FYN: variants seen among roughly 807,000 people sequenced by gnomAD.
FYN encodes the protein tyrosine-protein kinase Fyn.
FYN carries 10 observed loss-of-function variants against 70.2 expected under a neutral mutation model. The ratio of observed to expected loss-of-function variants is 0.14; its 90% confidence interval spans 0.09 to 0.24. FYN has a LOEUF of 0.24. Among genes scored for constraint, FYN ranks in the 10% least tolerant of loss-of-function variants. The pLI is 1.00. For synonymous variants in FYN, 236 were observed against 248.6 expected (o/e 0.95, Z 0.48); for missense variants, 319 against 673.1 (o/e 0.47, Z 5.82).
rs3752545 is a variant in FYN at position 111,703,059 on chromosome 6, A to C, written c.548-25T>G. On this transcript the variant is annotated intron_variant, in intron 7 of 13. Coordinates refer to ENST00000354650, the MANE Select transcript of FYN (RefSeq NM_002037.5). ...CCTGGTAAACGTGGAAAGCATTAGC[A>C]GCTCCAATCATTTAGAGTATCAGCT... is the stretch of plus-strand genomic sequence containing the variant. 0.057 allele frequency: 91,074 copies of C among 1,608,160 alleles called. 6,419 individuals carry two copies. The highest frequency in any genetic ancestry group is 0.31 in the African/African-American group (22,955 of 74,650).
At chr6:111,864,458 T>C (rs1774048778) in intron 1 of FYN, among the ~76,000 whole-genome samples, 1 of 152,004 alleles carries the variant, frequency 6.6e-6, no homozygotes, top group Non-Finnish European at 1.5e-5. Flanking sequence ...TAAAATAGAG[T>C]CCCTGACTTC....
chr6:111,787,301 A>G (rs971609083), intron 2 of FYN, among the ~76,000 whole-genome samples: 9 of 152,194 alleles, frequency 5.9e-5, no homozygotes, highest in African/African-American at 2.2e-4. Flanking sequence ...CAGTTTTCCC[A>G]GCACCATTTA....
At chr6:111,871,136 T>C (rs1032222895) in intron 1 of FYN, among the ~76,000 whole-genome samples, 2 of 152,208 alleles carry the variant, frequency 1.3e-5, no homozygotes, top group African/African-American at 4.8e-5. Context: ...GTTTTGACAA[T>C]ATCGATTAAG....
intron 1 of FYN, among the ~76,000 whole-genome samples, chr6:111,851,728 T>C (rs1049360024): frequency 5.3e-5 from 8 of 152,096 alleles, no homozygotes; most frequent in African/African-American, 1.9e-4. Context: ...GGGTCACATA[T>C]TTAAAAACCC....
chr6:111,848,078 A>C (rs1437449937), intron 1 of FYN, among the ~76,000 whole-genome samples: 1 of 152,204 alleles, frequency 6.6e-6, no homozygotes, highest in Non-Finnish European at 1.5e-5. Context: ...AGAAATTTTA[A>C]CTTGCTTCCC....
intron 3 of FYN, among the ~76,000 whole-genome samples, chr6:111,756,473 T>C (rs938075211): frequency 2.0e-5 from 3 of 148,178 alleles, no homozygotes; most frequent in African/African-American, 7.4e-5. Flanking sequence ...AGATAGAAAA[T>C]GGAAAAGCAC....
intron 13 of FYN, among the ~76,000 whole-genome samples, chr6:111,670,162 AAG>A (rs925508982): frequency 6.6e-6 from 1 of 152,146 alleles, no homozygotes; most frequent in African/African-American, 2.4e-5. Context: ...CTAAAAGCAA[AAG>A]TTTCAACCAT....
At chr6:111,785,285 A>G (rs1429940493) in intron 2 of FYN, among the ~76,000 whole-genome samples, 2 of 152,210 alleles carry the variant, frequency 1.3e-5, no homozygotes, top group East Asian at 3.8e-4. Flanking sequence ...CCATGTTCCC[A>G]GCTCCTCTGC....
At chr6:111,698,804 G>A (rs1200942699) in intron 9 of FYN, among the ~76,000 whole-genome samples, 7 of 152,140 alleles carry the variant, frequency 4.6e-5, no homozygotes, top group Non-Finnish European at 8.8e-5. Context: ...TATCATTCCA[G>A]CCGGGCGTGG....
chr6:111,798,562 C>T (rs1771890902), intron 2 of FYN: 1 of 152,202 alleles, frequency 6.6e-6, no homozygotes, highest in Non-Finnish European at 1.5e-5. Context: ...TGACATTTGT[C>T]CTACATACCC....
At chr6:111,764,141 A>G (rs565433828) in intron 3 of FYN, among the ~76,000 whole-genome samples, 95 of 145,696 alleles carry the variant, frequency 6.5e-4, no homozygotes, top group Non-Finnish European at 1.3e-3. Context: ...TTTACTTTCT[A>G]TACATTTGAA....
chr6:111,835,391 T>C (rs893929970), intron 2 of FYN, among the ~76,000 whole-genome samples: 3 of 148,590 alleles, frequency 2.0e-5, no homozygotes, highest in African/African-American at 7.4e-5. Context: ...AAGTGAAGGA[T>C]TGTTAGGAAT....
intron 12 of FYN, among the ~76,000 whole-genome samples, chr6:111,675,345 G>A (rs1374931021): frequency 6.6e-6 from 1 of 152,122 alleles, no homozygotes; most frequent in African/African-American, 2.4e-5. Flanking sequence ...ATGAGTCTCT[G>A]ACTTTTCAAG....
At chr6:111,740,894 A>G (rs1801930910) in intron 3 of FYN, 1 of 152,220 alleles carries the variant, frequency 6.6e-6, no homozygotes, top group Non-Finnish European at 1.5e-5. Context: ...AGATCATTTG[A>G]GCCCAGAAGT....
At chr6:111,664,408 C>T (rs1468086061) in intron 13 of FYN, among the ~76,000 whole-genome samples, 1 of 152,142 alleles carries the variant, frequency 6.6e-6, no homozygotes, top group African/African-American at 2.4e-5. Flanking sequence ...TATTGCTCCA[C>T]AGAGCGCATG....
chr6:111,667,982 G>A (rs1482996266), intron 13 of FYN, among the ~76,000 whole-genome samples: 1 of 152,212 alleles, frequency 6.6e-6, no homozygotes, highest in South Asian at 2.1e-4. Context: ...TTTGCTAACT[G>A]AGCTTTCCGT....
At chr6:111,666,981 T>C (rs1240315875) in intron 13 of FYN, among the ~76,000 whole-genome samples, 1 of 152,172 alleles carries the variant, frequency 6.6e-6, no homozygotes, top group African/African-American at 2.4e-5. Flanking sequence ...CAACTGAGAT[T>C]CTCCAGCCAA....
intron 13 of FYN, among the ~76,000 whole-genome samples, chr6:111,664,840 G>A (rs1797926318): frequency 6.6e-6 from 1 of 152,208 alleles, no homozygotes; most frequent in African/African-American, 2.4e-5. Context: ...ACATACCAAT[G>A]AGGGCTTTGC....
chr6:111,840,754 G>C (rs193202998), intron 2 of FYN, among the ~76,000 whole-genome samples: 4 of 152,216 alleles, frequency 2.6e-5, no homozygotes, highest in Admixed American at 2.6e-4. Flanking sequence ...AAAGTATTTA[G>C]GGGCACTGAC....
Sources: gnomAD v4.1 joint callset for allele counts (sites outside exome capture counted in the v4.1 genomes callset) on GRCh38, gnomAD v4.1.1 for gene constraint, MANE v1.5 for transcripts, NCBI Gene and HGNC (gene_info 2026-07-23, HGNC 2026-07-21) for gene names.